MMP15: variants seen among roughly 807,000 people sequenced by gnomAD.
The protein encoded by MMP15 is matrix metallopeptidase 15.
MMP15 carries 36 observed loss-of-function variants against 65.0 expected under a neutral mutation model. The observed-to-expected ratio is 0.55, with a 90% CI of 0.42 to 0.73. The LOEUF (loss-of-function observed/expected upper bound fraction) is 0.73, where lower values mean the gene tolerates loss of function less well. Among genes scored for constraint, MMP15 ranks in the 30% least tolerant of loss-of-function variants. MMP15 has a pLI of 0.00. For synonymous variants in MMP15, 428 were observed against 410.2 expected, an observed-to-expected ratio of 1.04 and a Z score of -0.52; for missense variants, 870 against 987.8, an observed-to-expected ratio of 0.88 and a Z score of 1.60.
chr16:58,039,830 G>T, intron 3 of MMP15, 45 bp from the exon 4 acceptor site: 1 of 1,549,474 alleles, frequency 6.5e-7, no homozygotes, highest in South Asian at 1.2e-5. Context: ...AGGATAGTAG[G>T]CCCTTGGCCC....
chr16:58,032,511 C>T (rs571873934), intron 1 of MMP15, among the ~76,000 whole-genome samples: 3 of 152,340 alleles, frequency 2.0e-5, no homozygotes, highest in South Asian at 2.1e-4. Flanking sequence ...AGAGGCCTGG[C>T]GGGTGGCTGG....
chr16:58,038,388 C>T lies in MMP15; in HGVS notation c.434C>T (p.Thr145Ile). 1 of 1,614,008 alleles carries T rather than the reference C, an allele frequency of 6.2e-7. No individual in the cohort carries two copies. Reference sequence around the variant, plus strand: ...AGGAAGTGGAACAACCACCATCTGACCTTTAGGTAGGGGGCTCAGCTGCCC... The same window carrying T: ...AGGAAGTGGAACAACCACCATCTGATCTTTAGGTAGGGGGCTCAGCTGCCC... ...TGRKWNNHHL[T>I]FSIQNYTEKL... Residue 145 changes from threonine to isoleucine, a missense_variant, in exon 3 of 10, where the codon ACC becomes ATC. Coordinates refer to ENST00000219271, the MANE Select transcript of MMP15 (RefSeq NM_002428.4).
chr16:58,045,099 G>C lies in MMP15; in HGVS notation c.1663G>C (p.Asp555His). The C allele has an allele frequency of 6.2e-7, 1 of 1,611,410 alleles. No homozygotes were observed. Among genetic ancestry groups the C allele is most frequent in the Non-Finnish European group, 8.5e-7 (1 of 1,178,996 alleles). Reference protein sequence around the residue: ...EPGYPKSILRDFMGCQEHVEP... With the variant: ...EPGYPKSILRHFMGCQEHVEP... Reference sequence around the variant, plus strand: ...CGGCTACCCCAAGTCCATCCTGCGGGACTTCATGGGCTGCCAGGAGCACGT... The same window carrying C: ...CGGCTACCCCAAGTCCATCCTGCGGCACTTCATGGGCTGCCAGGAGCACGT... The change falls in exon 10 of 10, where the codon GAC becomes CAC. Residue 555 changes from aspartate to histidine, a missense_variant. Transcript: ENST00000219271.
intron 1 of MMP15, among the ~76,000 whole-genome samples, chr16:58,026,779 ACCC>A (rs1349883713): frequency 6.6e-6 from 1 of 151,202 alleles, no homozygotes; most frequent in Non-Finnish European, 1.5e-5. Flanking sequence ...CCCCACCCCG[ACCC>A]CCTTACATTC....
chr16:58,044,017 G>A (rs1398782462), intron 9 of MMP15, among the ~76,000 whole-genome samples: 2 of 152,168 alleles, frequency 1.3e-5, no homozygotes, highest in African/African-American at 4.8e-5. Context: ...GGCAGGCTTG[G>A]CTCAGAGTGT....
Position 58,026,481 on chromosome 16 carries a change from T to C in MMP15, c.131T>C (p.Val44Ala), listed in dbSNP as rs977156421. 2 of 1,393,548 alleles carry C rather than the reference T, an allele frequency of 1.4e-6. No homozygotes were observed. Among genetic ancestry groups the C allele is most frequent in the South Asian group, 1.5e-5 (1 of 64,954 alleles). The allele number at this position is 1,393,548 out of a possible 1,614,324, so 86.3% of individuals were successfully genotyped here. A position where few individuals can be genotyped will look rare whatever the true frequency, so the allele number is the denominator to read the frequency against. ...CTTCTGGGCTGCCTGGGCCTTGGCGTAGCGGCCGAAGACGCGGAGGTCCAT... is the reference window on the plus strand; with the variant it reads ...CTTCTGGGCTGCCTGGGCCTTGGCGCAGCGGCCGAAGACGCGGAGGTCCAT... ...LVLLGCLGLG[V>A]AAEDAEVHAE... Residue 44 changes from valine (V) to alanine (A), a missense_variant, in exon 1 of 10, where the codon GTA (valine) becomes GCA (alanine). Physicochemically the swap from Val to Ala is moderately conservative, Grantham distance 64. Transcript: ENST00000219271.
intron 1 of MMP15, among the ~76,000 whole-genome samples, chr16:58,036,709 G>A (rs955313700): frequency 2.0e-5 from 3 of 152,184 alleles, no homozygotes; most frequent in Non-Finnish European, 4.4e-5. Context: ...AGCCTGGATG[G>A]GTACCTGCAT....
chr16:58,036,575 C>G (rs2142327009), intron 1 of MMP15, among the ~76,000 whole-genome samples: 1 of 152,350 alleles, frequency 6.6e-6, no homozygotes, highest in Non-Finnish European at 1.5e-5. Flanking sequence ...GGCTGTTTTC[C>G]TCAAACCTCA....
intron 9 of MMP15, among the ~76,000 whole-genome samples, chr16:58,044,485 T>G (rs546455478): frequency 3.3e-5 from 5 of 152,202 alleles, no homozygotes; most frequent in Non-Finnish European, 7.3e-5. Context: ...AGCTTCTGTA[T>G]GTGAGCTTGG....
chr16:58,043,106 GA>G, intron 7 of MMP15, 103 bp from the exon 8 acceptor site: 1 of 1,083,030 alleles, frequency 9.2e-7, no homozygotes, highest in Non-Finnish European at 1.3e-6. Context: ...TGAATATGTA[GA>G]GGGGTGTGAG....
intron 1 of MMP15, among the ~76,000 whole-genome samples, chr16:58,029,086 C>T (rs1337481729): frequency 6.6e-6 from 1 of 152,244 alleles, no homozygotes; most frequent in African/African-American, 2.4e-5. Flanking sequence ...CCAGAGTTCA[C>T]AGGGGTGGTG....
At chr16:58,033,577 C>T (rs1430452352) in intron 1 of MMP15, among the ~76,000 whole-genome samples, 1 of 152,162 alleles carries the variant, frequency 6.6e-6, no homozygotes. Flanking sequence ...CCTGAAGTGT[C>T]AATAAATACG....
In MMP15 at chr16:58,026,383, G is replaced by A. The variant is rs1963814716; in HGVS notation, c.33G>A (p.Pro11=). The part of the protein sequence containing the change: MGSDPSAPGR[P]GWTGSLLGDR... ...GCGACCCGAGCGCGCCCGGACGGCC[G>A]GGCTGGACGGGCAGCCTCCTCGGCG... The change falls in exon 1 of 10, where the codon CCG becomes CCA. Residue 11 remains proline, a synonymous_variant. Coordinates refer to ENST00000219271, the MANE Select transcript of MMP15 (RefSeq NM_002428.4). The A allele has an allele frequency of 2.2e-6, 3 of 1,389,416 alleles. No individual in the cohort carries two copies. Among genetic ancestry groups the A allele is most frequent in the East Asian group, 3.0e-5 (1 of 32,934 alleles). 86.1% of individuals were successfully genotyped at this position (1,389,416 alleles called of 1,614,324 possible).
chr16:58,042,894 C>T (rs967507208), intron 7 of MMP15, among the ~76,000 whole-genome samples: 1 of 152,164 alleles, frequency 6.6e-6, no homozygotes, highest in Non-Finnish European at 1.5e-5. Flanking sequence ...GGACACAGCC[C>T]CCAGACCCAG....
chr16:58,032,100 C>T (rs1159997781), intron 1 of MMP15, among the ~76,000 whole-genome samples: 1 of 152,096 alleles, frequency 6.6e-6, no homozygotes, highest in Non-Finnish European at 1.5e-5. Context: ...CTCCTGACCT[C>T]GTGATCTGCC....
chr16:58,036,166 A>G (rs1375567744), intron 1 of MMP15, among the ~76,000 whole-genome samples: 1 of 152,154 alleles, frequency 6.6e-6, no homozygotes, highest in Non-Finnish European at 1.5e-5. Flanking sequence ...AGACCCAGAC[A>G]AGTCAGACAC....
At chr16:58,035,907 A>G (rs1237185224) in intron 1 of MMP15, among the ~76,000 whole-genome samples, 1 of 152,232 alleles carries the variant, frequency 6.6e-6, no homozygotes, top group East Asian at 1.9e-4. Context: ...CAGCCACACC[A>G]GGGACCTGGC....
At chr16:58,029,245 G>A (rs1003238099) in intron 1 of MMP15, among the ~76,000 whole-genome samples, 1 of 152,258 alleles carries the variant, frequency 6.6e-6, no homozygotes, top group Non-Finnish European at 1.5e-5. Flanking sequence ...ACCTTCAGGT[G>A]AGCCACAGTC....
At chr16:58,026,780 C>A (rs1306263465) in intron 1 of MMP15, among the ~76,000 whole-genome samples, 1 of 152,238 alleles carries the variant, frequency 6.6e-6, no homozygotes, top group African/African-American at 2.4e-5. Context: ...CCCACCCCGA[C>A]CCCCTTACAT....
Sources: gnomAD v4.1 joint callset for allele counts (sites outside exome capture counted in the v4.1 genomes callset) on GRCh38, gnomAD v4.1.1 for gene constraint, MANE v1.5 for transcripts, NCBI Gene and HGNC (gene_info 2026-07-23, HGNC 2026-07-21) for gene names.